Variants in ZZEF1 observed in about 807,000 individuals in gnomAD.
ZZEF1 encodes the protein zinc finger ZZ-type and EF-hand domain containing 1.
A neutral mutation model predicts 342.8 loss-of-function variants in ZZEF1; 157 were observed. The ratio of observed to expected loss-of-function variants is 0.46; its 90% CI spans 0.40 to 0.52. The LOEUF (loss-of-function observed/expected upper bound fraction) is 0.52, where lower values mean the gene tolerates loss of function less well. Among genes scored for constraint, ZZEF1 ranks in the 20% least tolerant of loss-of-function variants. The pLI is 0.00. For synonymous variants in ZZEF1, 1,505 were observed against 1,429.1 expected (o/e 1.05, Z -1.20); for missense variants, 3,480 against 3,725.6 (o/e 0.93, Z 1.72).
chr17:4,067,083 G>T, intron 27 of ZZEF1, 80 bp downstream of exon 27: 1 of 1,198,456 alleles, frequency 8.3e-7, no homozygotes, highest in Non-Finnish European at 1.2e-6. Flanking sequence ...TTCTTGAGAA[G>T]AGAACAATTC....
chr17:4,134,438 C>T (rs1213204078), intron 1 of ZZEF1, among the ~76,000 whole-genome samples: 1 of 150,868 alleles, frequency 6.6e-6, no homozygotes, highest in African/African-American at 2.4e-5. Flanking sequence ...ATGAATAGGG[C>T]ACACAGTCCT....
At position 4,132,815 on chromosome 17, in the gene ZZEF1, A is replaced by C. The variant is rs111959336; in HGVS notation, c.355-8764T>G. ...CCCCGTCTCTACTAAAAATACAAAA[A>C]ATTAGCCGGGTGTGGTGGCGGGCGC... On this transcript the variant is annotated intron_variant, in intron 1 of 54. Coordinates refer to ENST00000381638, the MANE Select transcript of ZZEF1 (RefSeq NM_015113.4). Among the ~76,000 whole-genome samples, 4 of 147,804 alleles carry C rather than the reference A, an allele frequency of 2.7e-5. No individual in the cohort carries two copies. The South Asian group carries it at 6.8e-4, about 25-fold the overall frequency.
chr17:4,103,237 C>T (rs1201459269), intron 8 of ZZEF1, among the ~76,000 whole-genome samples: 1 of 151,054 alleles, frequency 6.6e-6, no homozygotes, highest in Non-Finnish European at 1.5e-5. Flanking sequence ...TTTAAACAGG[C>T]AAAAGAAAAA....
At chr17:4,117,297 T>C in intron 2 of ZZEF1, 131 bp from the exon 3 acceptor site, 1 of 699,918 alleles carries the variant, frequency 1.4e-6, no homozygotes, top group Non-Finnish European at 2.3e-6. Context: ...ATTTTCAGTT[T>C]TAATTGTTAA....
At chr17:4,092,008 G>C (rs1162503060) in intron 11 of ZZEF1, among the ~76,000 whole-genome samples, 1 of 151,240 alleles carries the variant, frequency 6.6e-6, no homozygotes, top group African/African-American at 2.4e-5. Context: ...CCCAGGAGGC[G>C]GAGGTTGCGG....
Position 4,028,000 on chromosome 17 carries a change from T to C in ZZEF1, c.6893-2882A>G, listed in dbSNP as rs1425427521. ...ATTTCATTTTATTTCCACTATTGGC[T>C]CTTTATCTTTTTGGGTTTTGTTGTG... On this transcript the variant is annotated intron_variant, in intron 42 of 54. Coordinates refer to ENST00000381638, the MANE Select transcript of ZZEF1 (RefSeq NM_015113.4). Among the ~76,000 whole-genome samples the C allele has an allele frequency of 2.0e-5, 3 of 152,190 alleles. No homozygotes were observed. The East Asian group carries it at 5.8e-4, about 29-fold the overall frequency.
At chr17:4,049,886 G>A in intron 36 of ZZEF1, 27 bp from the exon 37 acceptor site, 3 of 1,607,088 alleles carry the variant, frequency 1.9e-6, no homozygotes, top group Non-Finnish European at 2.5e-6. Context: ...TCAGAGAATG[G>A]TTAGAAGTTT....
At chr17:4,092,167 A>G (rs2057957201) in intron 11 of ZZEF1, among the ~76,000 whole-genome samples, 1 of 151,890 alleles carries the variant, frequency 6.6e-6, no homozygotes, top group Non-Finnish European at 1.5e-5. Flanking sequence ...ACTTTACACT[A>G]TTCAGTCTGT....
intron 33 of ZZEF1, among the ~76,000 whole-genome samples, chr17:4,054,526 G>A (rs141478879): frequency 2.0e-3 from 302 of 152,326 alleles, no homozygotes; most frequent in Middle Eastern, 0.01. Flanking sequence ...GGTACTAGAC[G>A]GGTCGGGGTA....
chr17:4,133,306 T>C (rs1440957877), intron 1 of ZZEF1, among the ~76,000 whole-genome samples: 1 of 152,150 alleles, frequency 6.6e-6, no homozygotes, highest in Non-Finnish European at 1.5e-5. Flanking sequence ...CCTCCCCGTC[T>C]TATAGTTGTA....
At chr17:4,112,095 T>TATATATATATA (rs1268146017) in intron 5 of ZZEF1, among the ~76,000 whole-genome samples, 1 of 88,140 alleles carries the variant, frequency 1.1e-5, no homozygotes, top group African/African-American at 4.7e-5. Flanking sequence ...TATATATATG[T>TATATATATATA]TTTGTTTTGT....
At chr17:4,093,238 A>G (rs1172289991) in intron 11 of ZZEF1, among the ~76,000 whole-genome samples, 1 of 152,234 alleles carries the variant, frequency 6.6e-6, no homozygotes, top group Non-Finnish European at 1.5e-5. Context: ...GCTGCCTAAA[A>G]CCCAGTGTCA....
intron 36 of ZZEF1, 38 bp downstream of exon 36, chr17:4,050,743 T>G (rs1158091780): frequency 6.2e-7 from 1 of 1,610,798 alleles, no homozygotes; most frequent in Non-Finnish European, 8.5e-7. Context: ...CACCAGCAAC[T>G]GAGGGCTGGT....
intron 31 of ZZEF1, among the ~76,000 whole-genome samples, chr17:4,058,640 C>T (rs751789725): frequency 3.9e-5 from 6 of 152,104 alleles, no homozygotes; most frequent in South Asian, 2.1e-4. Flanking sequence ...TTTGGGAGGC[C>T]GAGGCAGGCA....
chr17:4,006,985 A>C lies in ZZEF1; in HGVS notation c.8806-15T>G. ...TTCTGCAGAGCCTGTAGAGGGAAAA[A>C]GAGTTGTCGCCAATGTCGGGAGCCA... On this transcript the variant is annotated splice_polypyrimidine_tract_variant and intron_variant, in intron 54 of 54. Coordinates refer to ENST00000381638, the MANE Select transcript of ZZEF1 (RefSeq NM_015113.4). 1.3e-6 allele frequency: 2 copies of C among 1,572,958 alleles called. No individual in the cohort carries two copies. Among genetic ancestry groups the C allele is most frequent in the Non-Finnish European group, 1.7e-6 (2 of 1,157,724 alleles).
intron 9 of ZZEF1, among the ~76,000 whole-genome samples, chr17:4,100,264 G>A (rs2058105132): frequency 6.6e-6 from 1 of 152,132 alleles, no homozygotes; most frequent in Admixed American, 6.5e-5. Flanking sequence ...GTTACTTTTT[G>A]CAGTGCAGCA....
At chr17:4,052,507 T>C (rs2057071004) in intron 34 of ZZEF1, among the ~76,000 whole-genome samples, 1 of 152,158 alleles carries the variant, frequency 6.6e-6, no homozygotes. Context: ...GGATATTTGC[T>C]CTTCCTTTTT....
rs1164132320 is a variant in ZZEF1, at chr17:4,051,027, T to C, written c.5617A>G (p.Ser1873Gly). ...GTTACCATTGGGTGGGCCGTGATGCTGTGGGTAGGCAAATGGCTGCAAAGG... is the reference window on the plus strand; with the variant it reads ...GTTACCATTGGGTGGGCCGTGATGCCGTGGGTAGGCAAATGGCTGCAAAGG... ...KYSYGHLPTH[S>G]ITAHPMVTIR... The change falls in exon 36 of 55, where the codon AGC (serine) becomes GGC (glycine). Residue 1873 changes from serine to glycine, a missense_variant. Transcript: ENST00000381638. 1.2e-6 allele frequency: 2 copies of C among 1,614,202 alleles called. No individual in the cohort carries two copies. Among genetic ancestry groups the C allele is most frequent in the Non-Finnish European group, 8.5e-7 (1 of 1,180,046 alleles).
chr17:4,098,340 A>G (rs2058074235), intron 9 of ZZEF1, among the ~76,000 whole-genome samples: 1 of 151,794 alleles, frequency 6.6e-6, no homozygotes, highest in African/African-American at 2.4e-5. Context: ...TGAGCCTGGG[A>G]GGTGGAGGTT....
Sources: allele counts gnomAD v4.1 joint callset (sites outside exome capture counted in the v4.1 genomes callset), GRCh38; gene constraint gnomAD v4.1.1; transcripts MANE v1.5; gene names NCBI Gene and HGNC (gene_info 2026-07-23, HGNC 2026-07-21).